TRPC5: variants seen among roughly 807,000 people sequenced by gnomAD.
TRPC5 encodes the protein short transient receptor potential channel 5.
Under a neutral mutation model 56.5 loss-of-function variants are expected in TRPC5, and 9 were observed. The ratio of observed to expected loss-of-function variants is 0.16; its 90% CI spans 0.10 to 0.28. The LOEUF is 0.28. TRPC5 is among the 10% of genes least tolerant of loss of function. The pLI is 1.00. For synonymous variants in TRPC5, 282 were observed against 278.5 expected (o/e 1.01, Z -0.13); for missense variants, 469 against 748.9 (o/e 0.63, Z 4.36).
intron 2 of TRPC5, among the ~76,000 whole-genome samples, chrX:111,921,914 A>G (rs1325143369): frequency 8.9e-6 from 1 of 112,115 alleles, no homozygotes; most frequent in Non-Finnish European, 1.9e-5. Context: ...ATGAATGAGC[A>G]TAGGACAGAG....
intron 3 of TRPC5, among the ~76,000 whole-genome samples, chrX:111,888,693 C>CAAAAAAAA (rs753735549): frequency 7.3e-4 from 8 of 10,957 alleles, no homozygotes; most frequent in Admixed American, 1.5e-3. Context: ...GACTCTATCT[C>CAAAAAAAA]AAAAAAAAAA....
intron 3 of TRPC5, among the ~76,000 whole-genome samples, chrX:111,875,572 C>CTTTTTTTTT (rs771241425): frequency 2.8e-5 from 2 of 70,491 alleles, no homozygotes; most frequent in African/African-American, 5.8e-5. Context: ...TTTTTTCTTT[C>CTTTTTTTTT]TTTTTTTTTT....
chrX:112,015,494 C>T (rs1355345210), intron 1 of TRPC5, among the ~76,000 whole-genome samples: 1 of 111,302 alleles, frequency 9.0e-6, no homozygotes, highest in African/African-American at 3.3e-5. Flanking sequence ...GTTGGGATTA[C>T]AGGTGTGGGC....
At position 111,856,895 on chromosome X, in the gene TRPC5, C is replaced by T. The variant is rs191486091; in HGVS notation, c.901-2789G>A. Among the ~76,000 whole-genome samples the T allele has an allele frequency of 2.1e-3, 220 of 107,309 alleles. 1 individual carries two copies. Among genetic ancestry groups the T allele is most frequent in the African/African-American group, 7.3e-3 (216 of 29,447 alleles). 93.2% of individuals were successfully genotyped at this position (107,309 alleles called of 115,157 possible). A position where few individuals can be genotyped will look rare whatever the true frequency, so the allele number is the denominator to read the frequency against. ...GCCATAAGAAGTGTGTGTGTGTGTG[C>T]GTATGTAAAGTAGTATAATAAAGCA... is the stretch of plus-strand genomic sequence containing the variant. On this transcript the variant is annotated intron_variant, in intron 3 of 10. Coordinates refer to ENST00000262839, the MANE Select transcript of TRPC5 (RefSeq NM_012471.3).
At chrX:111,874,908 T>A (rs1185948366) in intron 3 of TRPC5, among the ~76,000 whole-genome samples, 1 of 112,664 alleles carries the variant, frequency 8.9e-6, no homozygotes, top group Non-Finnish European at 1.9e-5. Flanking sequence ...AAATATTTGC[T>A]ATGGGCCCTC....
intron 1 of TRPC5, among the ~76,000 whole-genome samples, chrX:112,063,084 TACC>T (rs1930496613): frequency 8.9e-6 from 1 of 112,055 alleles, no homozygotes; most frequent in African/African-American, 3.2e-5. Context: ...GTGGTGGCAT[TACC>T]ACAGATGTCT....
intron 3 of TRPC5, among the ~76,000 whole-genome samples, chrX:111,889,367 A>G (rs891930427): frequency 8.9e-6 from 1 of 112,406 alleles, no homozygotes; most frequent in Non-Finnish European, 1.9e-5. Context: ...ATCAGTCATA[A>G]GAGATGAGAG....
chrX:111,919,546 G>C (rs1219676296), intron 2 of TRPC5, among the ~76,000 whole-genome samples: 2 of 112,375 alleles, frequency 1.8e-5, no homozygotes, highest in African/African-American at 6.5e-5. Context: ...CACTTTCACA[G>C]TGCAATTTAA....
chrX:112,003,564 T>C (rs1033562945), intron 1 of TRPC5, among the ~76,000 whole-genome samples: 10 of 109,759 alleles, frequency 9.1e-5, no homozygotes, highest in African/African-American at 3.3e-4. Flanking sequence ...CAGTTTTCCA[T>C]AGGGGTGGGG....
At chrX:112,034,583 T>C (rs1209430023) in intron 1 of TRPC5, among the ~76,000 whole-genome samples, 1 of 107,137 alleles carries the variant, frequency 9.3e-6, no homozygotes, top group Non-Finnish European at 1.9e-5. Flanking sequence ...TGTAATGTTT[T>C]ACATTGATGG....
chrX:111,957,175 A>G (rs1443169440), intron 1 of TRPC5, among the ~76,000 whole-genome samples: 1 of 112,131 alleles, frequency 8.9e-6, no homozygotes, highest in African/African-American at 3.2e-5. Context: ...AAGTGAACAT[A>G]GTGCTCTAGA....
At position 111,854,004 on chromosome X, in the gene TRPC5, T is replaced by C; in HGVS notation, c.1003A>G (p.Met335Val). ...ATGGGAAACAGGAACCCAATGGTCA[T>C]GCAGGTTAGAAGCTTGACTACCCAG... is the stretch of plus-strand genomic sequence containing the variant. Reference protein sequence around the residue: ...KHWVVKLLTCMTIGFLFPMLS... With the variant: ...KHWVVKLLTCVTIGFLFPMLS... The change falls in exon 4 of 11, where the codon ATG (methionine) becomes GTG (valine). Residue 335 changes from methionine (M) to valine (V), a missense_variant. Coordinates refer to ENST00000262839, the MANE Select transcript of TRPC5 (RefSeq NM_012471.3). The C allele has an allele frequency of 1.7e-6, 2 of 1,211,805 alleles. No individual in the cohort carries two copies. The highest frequency in any genetic ancestry group is 2.2e-6 in the Non-Finnish European group (2 of 895,492).
At chrX:112,008,356 C>T (rs765383220) in intron 1 of TRPC5, among the ~76,000 whole-genome samples, 1 of 111,659 alleles carries the variant, frequency 9.0e-6, no homozygotes, top group East Asian at 2.8e-4. Flanking sequence ...CTTTGGGAGG[C>T]CAAGGCAGGT....
intron 2 of TRPC5, among the ~76,000 whole-genome samples, chrX:111,934,586 C>A (rs1045032922): frequency 1.1e-4 from 12 of 110,956 alleles, no homozygotes; most frequent in African/African-American, 3.6e-4. Flanking sequence ...ATCTTTGCAC[C>A]CATTAAGCAT....
At chrX:112,072,190 C>T (rs1010091201) in intron 1 of TRPC5, among the ~76,000 whole-genome samples, 1 of 111,703 alleles carries the variant, frequency 9.0e-6, no homozygotes, top group African/African-American at 3.3e-5. Flanking sequence ...CCAATAGATA[C>T]CACTTGTGTG....
intron 5 of TRPC5, 33 bp from the exon 6 acceptor site, chrX:111,847,469 G>T: frequency 9.0e-7 from 1 of 1,109,936 alleles, no homozygotes. Flanking sequence ...AAGATGAGGG[G>T]TACAGTGAAC....
intron 3 of TRPC5, among the ~76,000 whole-genome samples, chrX:111,862,088 C>T (rs770086010): frequency 9.0e-6 from 1 of 111,607 alleles, no homozygotes; most frequent in East Asian, 2.8e-4. Context: ...CTTATTATCT[C>T]GTTAAAGTGA....
chrX:111,780,221 G>GTGATATT (rs757966265), intron 9 of TRPC5, among the ~76,000 whole-genome samples: 89 of 110,760 alleles, frequency 8.0e-4, no homozygotes, highest in African/African-American at 2.7e-3. Flanking sequence ...AGAGGTGTTG[G>GTGATATT]TGATATTTGT....
intron 2 of TRPC5, among the ~76,000 whole-genome samples, chrX:111,938,438 A>G (rs1475690185): frequency 9.1e-6 from 1 of 109,999 alleles, no homozygotes; most frequent in Non-Finnish European, 1.9e-5. Flanking sequence ...TTTCAAAGGG[A>G]ATGCTTCCAG....
Sources: allele counts gnomAD v4.1 joint callset (sites outside exome capture counted in the v4.1 genomes callset), GRCh38; gene constraint gnomAD v4.1.1; transcripts MANE v1.5; gene names NCBI Gene and HGNC (gene_info 2026-07-23, HGNC 2026-07-21).